CEP350: variants seen among roughly 807,000 people sequenced by gnomAD.
CEP350 encodes centrosomal protein 350.
A neutral mutation model predicts 331.8 loss-of-function variants in CEP350; 126 were observed. The ratio of observed to expected loss-of-function variants is 0.38; its 90% CI spans 0.33 to 0.44. The LOEUF (loss-of-function observed/expected upper bound fraction) is 0.44, where lower values mean the gene tolerates loss of function less well. Ranked by LOEUF, CEP350 falls within the 20% of genes least tolerant of loss-of-function variation. The pLI is 1.00. For synonymous variants in CEP350, 1,200 were observed against 1,259.5 expected (o/e 0.95, Z 1.00); for missense variants, 3,406 against 3,634.6 (o/e 0.94, Z 1.62).
intron 37 of CEP350, among the ~76,000 whole-genome samples, chr1:180,108,544 G>GA (rs1294717856): frequency 6.6e-6 from 1 of 152,142 alleles, no homozygotes; most frequent in Non-Finnish European, 1.5e-5. Flanking sequence ...AACTGTTATA[G>GA]AAAGGAAAGC....
At chr1:180,026,381 GCAAT>G (rs1383372697) in intron 14 of CEP350, among the ~76,000 whole-genome samples, 1 of 152,140 alleles carries the variant, frequency 6.6e-6, no homozygotes, top group Non-Finnish European at 1.5e-5. Flanking sequence ...CTGGGCTCAA[GCAAT>G]CCTTTTGCCT....
chr1:180,069,235 T>A (rs946913416), intron 27 of CEP350, among the ~76,000 whole-genome samples: 2 of 152,180 alleles, frequency 1.3e-5, no homozygotes, highest in Non-Finnish European at 2.9e-5. Context: ...ACAAAACTGT[T>A]AAAGGAGAAA....
chr1:180,098,666 G>A (rs1042553240), intron 36 of CEP350, among the ~76,000 whole-genome samples, 197 bp from the exon 37 acceptor site: 2 of 152,130 alleles, frequency 1.3e-5, no homozygotes, highest in African/African-American at 2.4e-5. Flanking sequence ...TATATGTTGC[G>A]TAAGTGAATA....
At chr1:180,105,189 G>A (rs964757182) in intron 37 of CEP350, among the ~76,000 whole-genome samples, 3 of 151,820 alleles carry the variant, frequency 2.0e-5, no homozygotes, top group Admixed American at 6.6e-5. Context: ...CAACACAGTT[G>A]ATCCCTCCCT....
Position 180,015,911 on chromosome 1 carries a change from C to T in CEP350, c.2115C>T (p.Pro705=), listed in dbSNP as rs1301367845. 6.2e-7 allele frequency: 1 copy of T among 1,613,744 alleles called. No individual in the cohort carries two copies. The highest frequency in any genetic ancestry group is 1.7e-5 in the Admixed American group (1 of 59,982). The part of the protein sequence containing the change: ...SDKENKVQER[P]PSASSSSDMS... ...AAGAAAACAAAGTACAGGAACGTCC[C>T]CCAAGTGCATCTTCCAGTAGTGACA... The change falls in exon 11 of 38, where the codon CCC becomes CCT. Residue 705 remains proline (P), a synonymous_variant. Transcript: ENST00000367607.
At chr1:180,035,770 G>A (rs1273580247) in intron 16 of CEP350, among the ~76,000 whole-genome samples, 3 of 151,916 alleles carry the variant, frequency 2.0e-5, no homozygotes, top group African/African-American at 7.3e-5. Flanking sequence ...GAGCTCTGAT[G>A]GTCATAAAAA....
chr1:180,004,538 C>T (rs558123677), intron 7 of CEP350, among the ~76,000 whole-genome samples: 1 of 152,292 alleles, frequency 6.6e-6, no homozygotes, highest in South Asian at 2.1e-4. Flanking sequence ...CTGTTTGTTT[C>T]TTGTTTTCAG....
intron 1 of CEP350, among the ~76,000 whole-genome samples, chr1:179,957,792 ATT>A (rs1558060907): frequency 6.6e-6 from 1 of 152,210 alleles, no homozygotes; most frequent in Non-Finnish European, 1.5e-5. Flanking sequence ...TATTTTAATG[ATT>A]TGCCTAGGTG....
chr1:180,039,951 C>T (rs1402664814), intron 17 of CEP350, among the ~76,000 whole-genome samples: 1 of 151,978 alleles, frequency 6.6e-6, no homozygotes, highest in East Asian at 1.9e-4. Flanking sequence ...GAATATTTCT[C>T]TCATTAGTAT....
At position 180,034,056 on chromosome 1, in the gene CEP350, C is replaced by T. The variant is rs556503053; in HGVS notation, c.3920C>T (p.Thr1307Met). 52 of 1,613,732 alleles carry T rather than the reference C, an allele frequency of 3.2e-5. No individual in the cohort carries two copies. Among genetic ancestry groups the T allele is most frequent in the Admixed American group, 3.0e-4 (18 of 59,972 alleles). ...TDLNPAASRT[T>M]TENMAPIPGS... is the part of the protein sequence containing the mutation. Reference sequence around the variant, plus strand: ...CTGAACCCGGCAGCCAGCAGAACAACGACAGAGAACATGGCTCCAATACCA... The same window carrying T: ...CTGAACCCGGCAGCCAGCAGAACAATGACAGAGAACATGGCTCCAATACCA... The change falls in exon 16 of 38, where the codon ACG becomes ATG. Residue 1307 changes from threonine to methionine, a missense_variant. Coordinates refer to ENST00000367607, the MANE Select transcript of CEP350 (RefSeq NM_014810.5).
At chr1:180,036,543 C>T (rs901836836) in intron 16 of CEP350, among the ~76,000 whole-genome samples, 4 of 152,154 alleles carry the variant, frequency 2.6e-5, no homozygotes, top group African/African-American at 9.7e-5. Flanking sequence ...GTACGACCTT[C>T]CACCAGCAAA....
intron 31 of CEP350, 70 bp downstream of exon 31, chr1:180,084,248 G>A (rs1659729031): frequency 1.9e-5 from 25 of 1,328,382 alleles, no homozygotes; most frequent in Admixed American, 3.3e-5. Context: ...TGTTTTTAAT[G>A]TTGTTAATAA....
At chr1:180,008,913 T>C (rs1393266045) in intron 8 of CEP350, among the ~76,000 whole-genome samples, 1 of 152,206 alleles carries the variant, frequency 6.6e-6, no homozygotes, top group Non-Finnish European at 1.5e-5. Flanking sequence ...GTGACACCCA[T>C]TGTTAACTTT....
intron 11 of CEP350, 47 bp from the exon 12 acceptor site, chr1:180,019,902 T>A (rs1377975722): frequency 1.3e-6 from 2 of 1,506,058 alleles, no homozygotes; most frequent in Non-Finnish European, 1.8e-6. Context: ...AAAACTTTTT[T>A]AAAATGGTGG....
chr1:180,068,137 C>G (rs1419618045), intron 27 of CEP350, among the ~76,000 whole-genome samples: 1 of 152,128 alleles, frequency 6.6e-6, no homozygotes, highest in African/African-American at 2.4e-5. Context: ...TTATAACTTT[C>G]TGAACTCTGA....
At chr1:180,071,459 C>CA (rs35037785) in intron 27 of CEP350, among the ~76,000 whole-genome samples, 4,346 of 76,016 alleles carry the variant, frequency 0.057, 127 homozygotes, top group East Asian at 0.1. Context: ...AACTCCATCT[C>CA]AAAAAAAAAA....
At chr1:180,080,480 CA>C (rs1250200738) in intron 29 of CEP350, 36 bp from the exon 30 acceptor site, 2 of 1,584,986 alleles carry the variant, frequency 1.3e-6, no homozygotes, top group Non-Finnish European at 1.7e-6. Context: ...ACAATTATAT[CA>C]AAAAATAGTT....
At chr1:180,040,689 G>C (rs1656708517) in intron 17 of CEP350, among the ~76,000 whole-genome samples, 1 of 151,744 alleles carries the variant, frequency 6.6e-6, no homozygotes, top group South Asian at 2.1e-4. Flanking sequence ...TGGGATAGTG[G>C]TAAGAAAGGG....
chr1:180,055,021 A>G (rs1657728351), intron 25 of CEP350, among the ~76,000 whole-genome samples: 1 of 152,202 alleles, frequency 6.6e-6, no homozygotes, highest in Non-Finnish European at 1.5e-5. Flanking sequence ...TGCTGGTTTC[A>G]TAACCTTGAA....
Sources: gnomAD v4.1 joint callset for allele counts (sites outside exome capture counted in the v4.1 genomes callset) on GRCh38, gnomAD v4.1.1 for gene constraint, MANE v1.5 for transcripts, NCBI Gene and HGNC (gene_info 2026-07-23, HGNC 2026-07-21) for gene names.